Variants in MCTP1 observed in about 807,000 individuals in gnomAD.
MCTP1 encodes the protein multiple C2 and transmembrane domain-containing protein 1.
Under a neutral mutation model 120.6 loss-of-function variants are expected in MCTP1, and 69 were observed. The ratio of observed to expected loss-of-function variants is 0.57; its 90% CI spans 0.47 to 0.70. The LOEUF (loss-of-function observed/expected upper bound fraction) is 0.70, where lower values mean the gene tolerates loss of function less well. Among genes scored for constraint, MCTP1 ranks in the 30% least tolerant of loss-of-function variants. MCTP1 has a pLI of 0.00. For missense variants in MCTP1, 1,203 were observed against 1,248.8 expected (o/e 0.96, Z 0.55); for synonymous variants, 529 against 493.1 (o/e 1.07, Z -0.96).
intron 2 of MCTP1, among the ~76,000 whole-genome samples, chr5:95,014,753 G>A (rs765693741): frequency 4.6e-5 from 7 of 152,008 alleles, no homozygotes; most frequent in Non-Finnish European, 8.8e-5. Context: ...GCAACAGCAG[G>A]GTCTGAGATG....
intron 2 of MCTP1, among the ~76,000 whole-genome samples, chr5:94,973,419 A>T (rs1028108994): frequency 3.9e-5 from 6 of 152,212 alleles, no homozygotes; most frequent in Non-Finnish European, 7.3e-5. Flanking sequence ...TTTGGCAATT[A>T]TTAATTCTGT....
intron 17 of MCTP1, chr5:94,867,063 T>C (rs1796949378): frequency 5.0e-6 from 2 of 397,870 alleles, no homozygotes; most frequent in Non-Finnish European, 8.3e-6. Flanking sequence ...TAGTCTAAAA[T>C]AGACATAGAA....
Position 95,178,005 on chromosome 5 carries a change from TGACTTTGGTCAG to T in MCTP1, c.720+105839_720+105850del, listed in dbSNP as rs1748204505. Among the ~76,000 whole-genome samples the T allele has an allele frequency of 2.6e-5, 4 of 152,338 alleles. No individual in the cohort carries two copies. The South Asian group carries it at 8.3e-4, about 32-fold the overall frequency. ...AGTGTTTTGAGAATGGGGAAACTCT[TGACTTTGGTCAG>T]CATGCTCCTAAGTGGACTGCAGGCT... On this transcript the variant is annotated intron_variant, in intron 1 of 22. Transcript: ENST00000515393.
chr5:94,948,444 T>C (rs890305683), intron 3 of MCTP1, among the ~76,000 whole-genome samples: 3 of 152,198 alleles, frequency 2.0e-5, no homozygotes, highest in Non-Finnish European at 2.9e-5. Context: ...TTTTTGTTTG[T>C]TTTGTTTCAT....
intron 8 of MCTP1, among the ~76,000 whole-genome samples, chr5:94,913,705 C>T (rs1052226747): frequency 6.7e-6 from 1 of 148,806 alleles, no homozygotes; most frequent in African/African-American, 2.5e-5. Context: ...TTTTATTATT[C>T]TTTTTTTTTT....
At chr5:95,199,857 T>A (rs1187670973) in intron 1 of MCTP1, among the ~76,000 whole-genome samples, 14 of 144,928 alleles carry the variant, frequency 9.7e-5, no homozygotes, top group African/African-American at 3.3e-4. Flanking sequence ...AGAGACTCCG[T>A]CTCAAAAGAA....
At chr5:95,270,180 A>G (rs1759251672) in intron 1 of MCTP1, among the ~76,000 whole-genome samples, 1 of 152,194 alleles carries the variant, frequency 6.6e-6, no homozygotes, top group Non-Finnish European at 1.5e-5. Context: ...GTTGCTAGTT[A>G]CTTGGGATTA....
chr5:95,178,893 G>A (rs1748308281), intron 1 of MCTP1, among the ~76,000 whole-genome samples: 1 of 152,148 alleles, frequency 6.6e-6, no homozygotes, highest in African/African-American at 2.4e-5. Context: ...AGGCACTAGA[G>A]AAACGTGAAC....
intron 17 of MCTP1, among the ~76,000 whole-genome samples, chr5:94,864,763 A>T (rs1447775930): frequency 2.0e-5 from 3 of 151,928 alleles, no homozygotes; most frequent in Non-Finnish European, 4.4e-5. Flanking sequence ...TTTGACGCAC[A>T]CTGAAGTGTG....
chr5:95,019,973 T>G (rs1217758369), intron 1 of MCTP1, among the ~76,000 whole-genome samples: 1 of 152,100 alleles, frequency 6.6e-6, no homozygotes, highest in Non-Finnish European at 1.5e-5. Flanking sequence ...GAGGTCCAAT[T>G]GTGTTTCAAG....
intron 1 of MCTP1, among the ~76,000 whole-genome samples, chr5:95,219,751 A>C (rs1164930012): frequency 6.6e-6 from 1 of 152,178 alleles, no homozygotes; most frequent in Non-Finnish European, 1.5e-5. Flanking sequence ...CATTTCCCAA[A>C]ATCTGCCATC....
At chr5:95,122,290 C>T (rs1758302526) in intron 1 of MCTP1, among the ~76,000 whole-genome samples, 1 of 152,012 alleles carries the variant, frequency 6.6e-6, no homozygotes, top group Non-Finnish European at 1.5e-5. Flanking sequence ...GGAGCTCAAA[C>T]GACTCTATAG....
intron 19 of MCTP1, among the ~76,000 whole-genome samples, chr5:94,728,191 C>A (rs560442976): frequency 6.6e-6 from 1 of 151,868 alleles, no homozygotes; most frequent in South Asian, 2.1e-4. Context: ...GATCATGATG[C>A]CTTTCAATTT....
chr5:94,817,920 G>A (rs771685400), intron 17 of MCTP1, among the ~76,000 whole-genome samples: 3 of 152,024 alleles, frequency 2.0e-5, no homozygotes, highest in Admixed American at 1.3e-4. Context: ...TGGTGGTGCC[G>A]GTTCCACCCC....
intron 19 of MCTP1, among the ~76,000 whole-genome samples, chr5:94,747,751 T>C (rs1366677568): frequency 6.6e-6 from 1 of 151,984 alleles, no homozygotes; most frequent in Non-Finnish European, 1.5e-5. Context: ...TTAACTATTA[T>C]ACTAACTGGA....
chr5:94,852,656 T>C (rs1173190483), intron 17 of MCTP1, among the ~76,000 whole-genome samples: 5 of 152,090 alleles, frequency 3.3e-5, no homozygotes, highest in Admixed American at 2.6e-4. Context: ...TGCCCATATA[T>C]GTAACAAAAC....
Position 95,284,322 on chromosome 5 carries a change from T to C in MCTP1, c.254A>G (p.Lys85Arg), listed in dbSNP as rs746757751. 2 of 1,597,304 alleles carry C rather than the reference T, an allele frequency of 1.3e-6. No homozygotes were observed. The highest frequency in any genetic ancestry group is 1.1e-5 in the South Asian group (1 of 90,960). The change falls in exon 1 of 23, where the codon AAG (lysine) becomes AGG (arginine). Residue 85 changes from lysine (K) to arginine (R), a missense_variant. By Grantham distance (26) the Lys-to-Arg change is conservative (BLOSUM62 2). Coordinates refer to ENST00000515393, the MANE Select transcript of MCTP1 (RefSeq NM_024717.7). This position sits in a 1 kb window ranked among gnomAD's most constrained non-coding sequence, Gnocchi z 5.2. ...GSRWSGFKKR[K>R]QVLDRVFSSS... ...GGAGAAGACTCGGTCCAGCACTTGC[T>C]TCCGCTTCTTGAAGCCGCTCCACCT...
At chr5:95,056,887 G>A (rs921110081) in intron 1 of MCTP1, among the ~76,000 whole-genome samples, 7 of 151,870 alleles carry the variant, frequency 4.6e-5, no homozygotes, top group Non-Finnish European at 7.4e-5. Flanking sequence ...ACAAACACAC[G>A]CAAATACATA....
At chr5:95,272,421 C>T (rs1182850715) in intron 1 of MCTP1, among the ~76,000 whole-genome samples, 1 of 152,126 alleles carries the variant, frequency 6.6e-6, no homozygotes, top group African/African-American at 2.4e-5. Flanking sequence ...CCTGGATAGT[C>T]CCACAACACA....
Sources: gnomAD v4.1 joint callset for allele counts (sites outside exome capture counted in the v4.1 genomes callset) on GRCh38, gnomAD v4.1.1 for gene constraint, Gnocchi (gnomAD v3.1) non-coding constraint, MANE v1.5 for transcripts, NCBI Gene and HGNC (gene_info 2026-07-23, HGNC 2026-07-21) for gene names.